ATXN3: variants seen among roughly 807,000 people sequenced by gnomAD.
The protein encoded by ATXN3 is ataxin 3, also known as ataxin-3.
A neutral mutation model predicts 58.2 loss-of-function variants in ATXN3; 28 were observed. That is an observed-to-expected ratio of 0.48 (90% confidence interval 0.36 to 0.66). The LOEUF is 0.66. Ranked by LOEUF, ATXN3 falls within the 30% of genes least tolerant of loss-of-function variation. ATXN3 has a pLI of 0.00. For synonymous variants in ATXN3, 113 were observed against 138.5 expected (o/e 0.82, Z 1.29); for missense variants, 321 against 422.1 (o/e 0.76, Z 2.10).
downstream of ATXN3, among the ~76,000 whole-genome samples, chr14:92,053,959 G>A (rs914582162): frequency 1.3e-5 from 2 of 151,608 alleles, no homozygotes; most frequent in Non-Finnish European, 2.9e-5. Flanking sequence ...CCCCCGAGAC[G>A]GAGTCTTGCT....
chr14:92,088,665 C>A, intron 6 of ATXN3, 65 bp downstream of exon 6: 1 of 1,147,448 alleles, frequency 8.7e-7, no homozygotes. Context: ...ACACTGTCAT[C>A]TAATGTGCCT....
upstream of ATXN3, among the ~76,000 whole-genome samples, chr14:92,052,874 T>A (rs2057453397): frequency 6.6e-6 from 1 of 152,206 alleles, no homozygotes; most frequent in Non-Finnish European, 1.5e-5. Context: ...CTTGATAGGC[T>A]CCTCTTGCTT....
At chr14:92,046,053 C>A (rs2057426199) in intron 2 of ATXN3, among the ~76,000 whole-genome samples, 1 of 152,150 alleles carries the variant, frequency 6.6e-6, no homozygotes, top group African/African-American at 2.4e-5. Context: ...TGATGGAGGA[C>A]CTTTGCGTAC....
At chr14:92,056,349 T>C (rs560554327), downstream of ATXN3, among the ~76,000 whole-genome samples, 2 of 152,330 alleles carry the variant, frequency 1.3e-5, no homozygotes, top group South Asian at 2.1e-4. Flanking sequence ...TTACTGCCGG[T>C]ATGTAAAAAA....
intron 9 of ATXN3, among the ~76,000 whole-genome samples, chr14:92,076,396 CGAGATCGCGCCACTGCACTCCA>C (rs2060371146): frequency 6.8e-6 from 1 of 146,428 alleles, no homozygotes; most frequent in South Asian, 2.2e-4. Context: ...TGCAGTGAGC[CGAGATCGCGCCACTGCACTCCA>C]GACTGGGTGA....
chr14:92,055,190 G>GC (rs1555391133), downstream of ATXN3, among the ~76,000 whole-genome samples: 3 of 151,562 alleles, frequency 2.0e-5, no homozygotes, highest in East Asian at 5.8e-4. The surrounding 1 kb of genome is among the most constrained non-coding windows in gnomAD (Gnocchi z 4.5). Context: ...AGGATTTTTT[G>GC]TTTTTTTTAC....
At chr14:92,049,665 G>A (rs112329612) in exon 1 of ATXN3, 21,464 of 179,888 alleles carry the variant, frequency 0.12, 1,529 homozygotes, top group African/African-American at 0.21. Context: ...GGTCGTAGGT[G>A]GATCTCCTCA....
At chr14:92,054,463 C>T (rs2057458595), downstream of ATXN3, among the ~76,000 whole-genome samples, 1 of 152,204 alleles carries the variant, frequency 6.6e-6, no homozygotes, top group Non-Finnish European at 1.5e-5. Context: ...TGCTACGCCC[C>T]CACCAGCACC....
At chr14:92,058,268 A>G (rs1315284941), downstream of ATXN3, 2 of 152,250 alleles carry the variant, frequency 1.3e-5, no homozygotes, top group Non-Finnish European at 2.9e-5. Flanking sequence ...GCAAGTTCTG[A>G]TTCAGTAGGT....
chr14:92,055,176 G>A (rs1172965968), downstream of ATXN3, among the ~76,000 whole-genome samples: 11 of 152,106 alleles, frequency 7.2e-5, no homozygotes, highest in Non-Finnish European at 1.5e-4. This position sits in a 1 kb window ranked among gnomAD's most constrained non-coding sequence, Gnocchi z 4.5. Context: ...CCACCGTGCC[G>A]GGGAGGATTT....
chr14:92,066,097 A>AAAAT (rs1555395041), intron 10 of ATXN3, among the ~76,000 whole-genome samples: 58 of 151,226 alleles, frequency 3.8e-4, no homozygotes, highest in African/African-American at 1.3e-3. Context: ...TACTAAAAAA[A>AAAAT]AAATAAATAA....
At chr14:92,056,091 T>C (rs1197688443), downstream of ATXN3, among the ~76,000 whole-genome samples, 1 of 151,042 alleles carries the variant, frequency 6.6e-6, no homozygotes, top group African/African-American at 2.5e-5. Flanking sequence ...ACGGAAGCAA[T>C]GGAGGTGGCA....
At chr14:92,096,619 G>C (rs1215988003) in intron 2 of ATXN3, 55 bp downstream of exon 2, 1 of 1,394,196 alleles carries the variant, frequency 7.2e-7, no homozygotes, top group Non-Finnish European at 9.7e-7. Context: ...GCGAGACTCC[G>C]TCTCAAAAAA....
chr14:92,097,677 C>G (rs1426286300), intron 1 of ATXN3, among the ~76,000 whole-genome samples: 1 of 151,998 alleles, frequency 6.6e-6, no homozygotes, highest in Non-Finnish European at 1.5e-5. Flanking sequence ...AGGTGCCCAC[C>G]GCCATGCCCG....
At chr14:92,093,473 T>A in intron 4 of ATXN3, 155 bp from the exon 5 acceptor site, 1 of 623,572 alleles carries the variant, frequency 1.6e-6, no homozygotes, top group Non-Finnish European at 2.8e-6. Context: ...CATATGAACG[T>A]CTCTGCAGCA....
chr14:92,096,930 CG>C (rs1402764468), intron 1 of ATXN3, 92 bp from the exon 2 acceptor site: 2 of 1,030,428 alleles, frequency 1.9e-6, no homozygotes, highest in Admixed American at 4.4e-5. Flanking sequence ...TTTTTTGAGA[CG>C]GAGTCTCACT....
At chr14:92,083,068 A>AT in intron 7 of ATXN3, 58 bp downstream of exon 7, 1 of 1,547,270 alleles carries the variant, frequency 6.5e-7, no homozygotes, top group Non-Finnish European at 8.7e-7. Context: ...AAGCATGAAA[A>AT]TTTAATTCTC....
chr14:92,051,352 C>G (rs1181925833), upstream of ATXN3, among the ~76,000 whole-genome samples: 2 of 152,126 alleles, frequency 1.3e-5, no homozygotes, highest in Admixed American at 1.3e-4. Flanking sequence ...CTAAAACTTA[C>G]CAAGAGAATT....
chr14:92,070,769 A>C, intron 10 of ATXN3, 166 bp downstream of exon 10: 2 of 1,239,952 alleles, frequency 1.6e-6, no homozygotes, highest in Non-Finnish European at 2.1e-6. Flanking sequence ...TTCTTTTGGT[A>C]ACTGCTCCTT....
Sources: gnomAD v4.1 joint callset for allele counts (sites outside exome capture counted in the v4.1 genomes callset) on GRCh38, gnomAD v4.1.1 for gene constraint, Gnocchi (gnomAD v3.1) non-coding constraint, MANE v1.5 for transcripts, NCBI Gene and HGNC (gene_info 2026-07-23, HGNC 2026-07-21) for gene names.